WLS: variants seen among roughly 807,000 people sequenced by gnomAD.
WLS encodes Wnt ligand secretion mediator.
WLS carries 23 observed loss-of-function variants against 62.8 expected under a neutral mutation model. That is an observed-to-expected ratio of 0.37 (90% CI 0.26 to 0.52). The LOEUF is 0.52. WLS is among the 20% of genes least tolerant of loss of function. WLS has a pLI of 0.92. For synonymous variants in WLS, 246 were observed against 244.1 expected, an observed-to-expected ratio of 1.01 and a Z score of -0.07; for missense variants, 615 against 697.3, an observed-to-expected ratio of 0.88 and a Z score of 1.33.
At chr1:68,157,392 T>G (rs867463172) in intron 3 of WLS, among the ~76,000 whole-genome samples, 13 of 152,360 alleles carry the variant, frequency 8.5e-5, no homozygotes, top group Admixed American at 4.6e-4. Context: ...TCAACCTTCC[T>G]GTCTCAGAGA....
intron 11 of WLS, among the ~76,000 whole-genome samples, chr1:68,108,147 G>T (rs1036585941): frequency 6.6e-6 from 1 of 152,150 alleles, no homozygotes; most frequent in African/African-American, 2.4e-5. Context: ...CAATAGCTCT[G>T]TGCTGTGGGT....
intron 1 of WLS, among the ~76,000 whole-genome samples, chr1:68,221,064 GC>G (rs546364783): frequency 2.2e-4 from 34 of 152,258 alleles, no homozygotes; most frequent in African/African-American, 6.5e-4. Context: ...TGACCTTAGT[GC>G]CCTTTCAGTT....
chr1:68,161,587 G>A (rs559643542), intron 2 of WLS, among the ~76,000 whole-genome samples: 1 of 152,308 alleles, frequency 6.6e-6, no homozygotes, highest in Non-Finnish European at 1.5e-5. Flanking sequence ...GTAAGCAGAC[G>A]ACATCTTCAG....
intron 11 of WLS, among the ~76,000 whole-genome samples, chr1:68,100,443 A>G (rs1646062111): frequency 6.6e-6 from 1 of 152,216 alleles, no homozygotes; most frequent in East Asian, 1.9e-4. Flanking sequence ...AGAATAAATC[A>G]GGTGTGAATG....
chr1:68,165,874 C>T (rs140131363), intron 2 of WLS, among the ~76,000 whole-genome samples: 10 of 152,304 alleles, frequency 6.6e-5, no homozygotes, highest in Admixed American at 2.6e-4. Context: ...TATTTAGACA[C>T]ATGATAGGCA....
At chr1:68,183,226 T>C (rs1019272800) in intron 2 of WLS, among the ~76,000 whole-genome samples, 4 of 152,156 alleles carry the variant, frequency 2.6e-5, no homozygotes, top group Non-Finnish European at 5.9e-5. Flanking sequence ...GGCTATAACA[T>C]AGTCATAAAT....
chr1:68,110,871 C>G (rs560249387), intron 11 of WLS, among the ~76,000 whole-genome samples: 2 of 152,110 alleles, frequency 1.3e-5, no homozygotes, highest in African/African-American at 4.8e-5. Context: ...GCTCCTTATT[C>G]TCTTACATAC....
At chr1:68,098,614 A>C in exon 12 of WLS, 1 of 1,612,638 alleles carries the variant, frequency 6.2e-7, no homozygotes, top group Non-Finnish European at 8.5e-7. Flanking sequence ...GCTGATAAAC[A>C]TGTGTTGCCT....
chr1:68,232,391 C>A lies in WLS; in HGVS notation c.-92G>T. On this transcript the variant is annotated 5_prime_UTR_variant, in exon 1 of 12. Coordinates refer to ENST00000262348, the MANE Select transcript of WLS (RefSeq NM_024911.7). ...CTCTCACACACTCCCTCCTTCCTCG[C>A]CTCCTTTCTGGGCGCTGCAAAACTT... is the stretch of plus-strand genomic sequence containing the variant. The A allele has an allele frequency of 6.7e-7, 1 of 1,496,038 alleles. No homozygotes were observed. The allele number at this position is 1,496,038 out of a possible 1,614,324, so 92.7% of individuals were successfully genotyped here.
chr1:68,146,074 C>A (rs889023877), intron 8 of WLS, 62 bp from the exon 9 acceptor site: 2 of 1,580,454 alleles, frequency 1.3e-6, no homozygotes, highest in Non-Finnish European at 1.7e-6. Flanking sequence ...CGGGTCCAGG[C>A]CCTTCTCCCC....
intron 1 of WLS, among the ~76,000 whole-genome samples, chr1:68,226,923 T>C (rs1650165727): frequency 6.6e-6 from 1 of 152,192 alleles, no homozygotes; most frequent in Admixed American, 6.5e-5. Flanking sequence ...CAAATCATTG[T>C]AAAATGTCAT....
chr1:68,180,716 T>G (rs1183631358), intron 2 of WLS, among the ~76,000 whole-genome samples: 1 of 151,390 alleles, frequency 6.6e-6, no homozygotes. Context: ...GATGGCCCCC[T>G]GGTGTCCCAA....
intron 1 of WLS, among the ~76,000 whole-genome samples, chr1:68,223,721 C>T (rs1464093533): frequency 2.0e-5 from 3 of 152,178 alleles, no homozygotes; most frequent in Non-Finnish European, 4.4e-5. Flanking sequence ...AAGGAGGGCT[C>T]TGTTTCACAT....
downstream of WLS, among the ~76,000 whole-genome samples, chr1:68,125,042 T>A (rs878991162): frequency 6.6e-6 from 1 of 152,192 alleles, no homozygotes; most frequent in Admixed American, 6.5e-5. Flanking sequence ...GTGTTCCTTC[T>A]CTCGGCTATC....
chr1:68,098,709 C>G lies in WLS; in HGVS notation c.1555G>C (p.Val519Leu), dbSNP rs183122334. The change falls in exon 12 of 12, where the codon GTT (valine) becomes CTT (leucine). Residue 519 changes from valine to leucine, a missense_variant. By Grantham distance (32) the Val-to-Leu change is conservative. Coordinates refer to the WLS transcript ENST00000354777. ...AACAATTCTTGATAAAGTTCCGAAACAAACAAAGCACAATCTTCCCTCGAT... is the reference window on the plus strand; with the variant it reads ...AACAATTCTTGATAAAGTTCCGAAAGAAACAAAGCACAATCTTCCCTCGAT... 1.7e-4 allele frequency: 281 copies of G among 1,613,724 alleles called. 2 individuals carry two copies. In the East Asian group the frequency reaches 4.6e-3, roughly 27 times the overall value.
At chr1:68,222,061 A>G (rs1399116708) in intron 1 of WLS, among the ~76,000 whole-genome samples, 4 of 152,216 alleles carry the variant, frequency 2.6e-5, no homozygotes, top group Non-Finnish European at 4.4e-5. Context: ...GCTCACTAGA[A>G]CTTCGGAATT....
At chr1:68,121,147 AG>A (rs1557454167), downstream of WLS, 1 of 152,218 alleles carries the variant, frequency 6.6e-6, no homozygotes, top group East Asian at 1.9e-4. Context: ...TAGTACAGGA[AG>A]GGACATTTTC....
intron 5 of WLS, among the ~76,000 whole-genome samples, chr1:68,151,159 A>G (rs1052474643): frequency 2.0e-5 from 3 of 152,150 alleles, no homozygotes; most frequent in African/African-American, 7.2e-5. Flanking sequence ...CACAGACAGG[A>G]ATGGAGCTGA....
At chr1:68,124,104 G>A (rs1646395733), downstream of WLS, among the ~76,000 whole-genome samples, 2 of 152,156 alleles carry the variant, frequency 1.3e-5, no homozygotes, top group African/African-American at 2.4e-5. Context: ...CGATCTTTCT[G>A]TGCAACCCAC....
Sources: allele counts gnomAD v4.1 joint callset (sites outside exome capture counted in the v4.1 genomes callset), GRCh38; gene constraint gnomAD v4.1.1; transcripts MANE v1.5; gene names NCBI Gene and HGNC (gene_info 2026-07-23, HGNC 2026-07-21).